Variants in CLYBL observed in about 807,000 individuals in gnomAD.
CLYBL encodes the protein citramalyl-CoA lyase, also known as citramalyl-CoA lyase, mitochondrial.
CLYBL carries 31 observed loss-of-function variants against 38.9 expected under a neutral mutation model. That is an observed-to-expected ratio of 0.80 (90% CI 0.60 to 1.08). The LOEUF is 1.08. CLYBL is among the 50% of genes least tolerant of loss of function. CLYBL has a pLI of 0.00. For synonymous variants in CLYBL, 171 were observed against 158.6 expected, an observed-to-expected ratio of 1.08 and a Z score of -0.59; for missense variants, 434 against 411.6, an observed-to-expected ratio of 1.05 and a Z score of -0.47.
chr13:99,847,704 G>C (rs568395179), intron 2 of CLYBL, among the ~76,000 whole-genome samples: 1 of 152,336 alleles, frequency 6.6e-6, no homozygotes, highest in Admixed American at 6.5e-5. Flanking sequence ...ACATTGAGTA[G>C]CTTTGGGGCT....
At chr13:99,818,343 C>A (rs941637192) in intron 2 of CLYBL, among the ~76,000 whole-genome samples, 1 of 152,012 alleles carries the variant, frequency 6.6e-6, no homozygotes, top group Non-Finnish European at 1.5e-5. Flanking sequence ...GTTCTTTCTC[C>A]GTCCTCGGGT....
At chr13:99,812,860 G>T (rs1034220660) in intron 2 of CLYBL, among the ~76,000 whole-genome samples, 27 of 152,144 alleles carry the variant, frequency 1.8e-4, no homozygotes, top group Non-Finnish European at 3.5e-4. Context: ...CCAAGGGGGG[G>T]CCCTGTCATG....
intron 7 of CLYBL, among the ~76,000 whole-genome samples, chr13:99,881,595 T>C (rs966065413): frequency 1.3e-5 from 2 of 152,058 alleles, no homozygotes; most frequent in Admixed American, 1.3e-4. Context: ...GTTAATTTTT[T>C]TTTTTTTTTT....
intron 1 of CLYBL, among the ~76,000 whole-genome samples, chr13:99,655,257 G>T (rs1462705968): frequency 6.6e-6 from 1 of 151,954 alleles, no homozygotes; most frequent in Non-Finnish European, 1.5e-5. Context: ...TGTATTTTTA[G>T]TAGAGACGGG....
chr13:99,705,953 C>CA (rs1413895078), intron 1 of CLYBL, among the ~76,000 whole-genome samples: 7 of 148,978 alleles, frequency 4.7e-5, no homozygotes, highest in African/African-American at 1.7e-4. Context: ...GTTTTAAAGA[C>CA]AGAGTTTTCC....
chr13:99,692,677 A>C (rs1333244072), intron 1 of CLYBL, among the ~76,000 whole-genome samples: 4 of 152,172 alleles, frequency 2.6e-5, no homozygotes, highest in African/African-American at 9.7e-5. Flanking sequence ...ATCTAATTCT[A>C]GAACATTTTC....
intron 7 of CLYBL, among the ~76,000 whole-genome samples, chr13:99,881,097 C>A (rs969755098): frequency 2.6e-5 from 4 of 152,158 alleles, no homozygotes; most frequent in African/African-American, 9.7e-5. Context: ...CCCACTGTTA[C>A]ATTCTTATGA....
intron 2 of CLYBL, among the ~76,000 whole-genome samples, chr13:99,792,542 G>A (rs981687960): frequency 1.3e-5 from 2 of 152,126 alleles, no homozygotes; most frequent in Admixed American, 6.6e-5. Context: ...CCTTCTAAGT[G>A]GCAGTCAGTG....
intron 1 of CLYBL, among the ~76,000 whole-genome samples, chr13:99,666,056 TAAG>T (rs2047476928): frequency 6.6e-6 from 1 of 151,436 alleles, no homozygotes; most frequent in African/African-American, 2.4e-5. Flanking sequence ...TCAGGGAGAG[TAAG>T]AAGAATGATG....
At chr13:99,650,461 T>C (rs192083375) in intron 1 of CLYBL, among the ~76,000 whole-genome samples, 2 of 152,078 alleles carry the variant, frequency 1.3e-5, no homozygotes, top group Admixed American at 1.3e-4. Context: ...ATAAGAAGAG[T>C]GTTAGAAACC....
intron 1 of CLYBL, among the ~76,000 whole-genome samples, chr13:99,729,850 C>G (rs915312656): frequency 6.7e-6 from 1 of 149,658 alleles, no homozygotes; most frequent in Admixed American, 6.8e-5. Flanking sequence ...GCAGTGGGGC[C>G]CTTCCCCCCG....
intron 2 of CLYBL, among the ~76,000 whole-genome samples, chr13:99,837,737 TGTGCACCA>T (rs2050972361): frequency 6.6e-6 from 1 of 152,214 alleles, no homozygotes; most frequent in Non-Finnish European, 1.5e-5. Flanking sequence ...GGCATTTATG[TGTGCACCA>T]GCGCAGCAGC....
At chr13:99,825,989 G>T (rs998598092) in intron 2 of CLYBL, among the ~76,000 whole-genome samples, 3 of 152,236 alleles carry the variant, frequency 2.0e-5, no homozygotes, top group Non-Finnish European at 2.9e-5. Context: ...AACTCACATG[G>T]TAGGCAGTGG....
At chr13:99,836,896 G>A (rs1397278780) in intron 2 of CLYBL, among the ~76,000 whole-genome samples, 25 of 151,824 alleles carry the variant, frequency 1.6e-4, no homozygotes, top group Non-Finnish European at 1.2e-4. Context: ...GTTGTGGGGT[G>A]GGGGAAGGGG....
downstream of CLYBL, among the ~76,000 whole-genome samples, chr13:99,901,648 TTTTTTTTTTG>T (rs1157286918): frequency 2.8e-3 from 353 of 125,422 alleles, 2 homozygotes; most frequent in African/African-American, 0.011. Flanking sequence ...TTTTTTTGTT[TTTTTTTTTTG>T]TTTGTTTGTT....
intron 2 of CLYBL, among the ~76,000 whole-genome samples, chr13:99,816,831 G>A (rs182269938): frequency 6.6e-6 from 1 of 152,186 alleles, no homozygotes; most frequent in Non-Finnish European, 1.5e-5. Context: ...TGTTATAGAA[G>A]CCCACATGGA....
At chr13:99,784,099 G>T (rs529022037) in intron 2 of CLYBL, 1 of 152,138 alleles carries the variant, frequency 6.6e-6, no homozygotes, top group Non-Finnish European at 1.5e-5. Flanking sequence ...TTTGAAGGAG[G>T]TACATCTCAC....
chr13:99,743,273 G>A (rs1034943733), intron 1 of CLYBL, among the ~76,000 whole-genome samples: 3 of 152,114 alleles, frequency 2.0e-5, no homozygotes, highest in Admixed American at 6.5e-5. Flanking sequence ...AATTGTAACC[G>A]CGAATGATGG....
At chr13:99,650,080 G>A (rs531721712) in intron 1 of CLYBL, among the ~76,000 whole-genome samples, 26 of 152,024 alleles carry the variant, frequency 1.7e-4, no homozygotes, top group South Asian at 1.2e-3. Flanking sequence ...TGGCTAACAC[G>A]GTGAAACCCC....
Sources: allele counts gnomAD v4.1 joint callset (sites outside exome capture counted in the v4.1 genomes callset), GRCh38; gene constraint gnomAD v4.1.1; transcripts MANE v1.5; gene names NCBI Gene and HGNC (gene_info 2026-07-23, HGNC 2026-07-21).